The following IL17RA variants were observed in gnomAD, a reference collection of about 807,000 sequenced individuals.
The protein encoded by IL17RA is interleukin-17 receptor A.
IL17RA carries 34 observed loss-of-function variants against 50.4 expected under a neutral mutation model. The observed-to-expected ratio is 0.67, with a 90% CI of 0.51 to 0.90. IL17RA has a LOEUF of 0.90. IL17RA is among the 40% of genes least tolerant of loss of function. IL17RA has a pLI of 0.00. For synonymous variants in IL17RA, 585 were observed against 510.4 expected, an observed-to-expected ratio of 1.15 and a Z score of -1.97; for missense variants, 1,276 against 1,169.8, an observed-to-expected ratio of 1.09 and a Z score of -1.32.
chr22:17,104,658 C>G, intron 8 of IL17RA, 68 bp from the exon 9 acceptor site: 12 of 1,407,222 alleles, frequency 8.5e-6, no homozygotes, highest in Non-Finnish European at 1.2e-5. Flanking sequence ...CTCACATTGC[C>G]GCTGCTGGCT....
chr22:17,108,920 C>T lies in IL17RA; in HGVS notation c.1701C>T (p.Leu567=), dbSNP rs1601350118. Residue 567 remains leucine (L), a synonymous_variant, in exon 13 of 13, where the codon CTC becomes CTT. Transcript: ENST00000319363. ...NYLRSPGGRQ[L]RAALDRFRDW... is the part of the protein sequence containing the mutation. The stretch of plus-strand genomic sequence containing the variant: ...TGCGGAGCCCGGGCGGCAGGCAGCT[C>T]CGCGCCGCCCTGGACAGGTTCCGGG... 1 of 1,611,478 alleles carries T rather than the reference C, an allele frequency of 6.2e-7. No homozygotes were observed.
chr22:17,094,673 C>CTATATATATATATATG (rs1568917416), intron 1 of IL17RA, among the ~76,000 whole-genome samples: 910 of 47,782 alleles, frequency 0.019, 71 homozygotes, highest in Non-Finnish European at 0.028. Flanking sequence ...CTCTCTCTCT[C>CTATATATATATATATG]TCTCTCTCTC....
Position 17,102,062 on chromosome 22 carries a change from G to T in IL17RA, c.598+19G>T. On this transcript the variant is annotated intron_variant, in intron 6 of 12. Transcript: ENST00000319363. ...AGCTCAGGTAACAGCTGGCCCGGGA[G>T]AGCTTTATTTGGATGCATACACATG... is the stretch of plus-strand genomic sequence containing the variant. The T allele has an allele frequency of 6.2e-7, 1 of 1,614,194 alleles. No homozygotes were observed.
intron 1 of IL17RA, among the ~76,000 whole-genome samples, chr22:17,092,923 A>G (rs560615850): frequency 1.3e-5 from 2 of 152,094 alleles, no homozygotes; most frequent in South Asian, 4.1e-4. Context: ...TATTTAGTAG[A>G]ACTTCTATTG....
intron 1 of IL17RA, among the ~76,000 whole-genome samples, chr22:17,090,022 A>G (rs2061342522): frequency 6.6e-6 from 1 of 151,394 alleles, no homozygotes; most frequent in African/African-American, 2.4e-5. Context: ...ATGTAATTCT[A>G]TAAATTTTTT....
intron 4 of IL17RA, among the ~76,000 whole-genome samples, chr22:17,099,286 C>G (rs373755646): frequency 2.0e-5 from 3 of 152,076 alleles, no homozygotes; most frequent in African/African-American, 7.2e-5. Context: ...AAGAAAAAAC[C>G]GCCCAGACCA....
rs1298032987 is a variant in IL17RA at position 17,112,586 on chromosome 22, T to C, written c.*2766T>C. The C allele has an allele frequency of 6.6e-6, 1 of 152,054 alleles. No individual in the cohort carries two copies. The highest frequency in any genetic ancestry group is 1.5e-5 in the Non-Finnish European group (1 of 68,000). 9.4% of individuals were successfully genotyped at this position (152,054 alleles called of 1,614,324 possible). ...ATGTCATTCCCTGTTTCTCCTCACA[T>C]TCCCTCCCCATTTCCTGGGCCCAGT... On this transcript the variant is annotated 3_prime_UTR_variant, in exon 13 of 13. Transcript: ENST00000319363.
At position 17,110,011 on chromosome 22, in the gene IL17RA, C is replaced by G. The variant is rs886057206; in HGVS notation, c.*191C>G. 1.6e-6 allele frequency: 1 copy of G among 638,916 alleles called. No homozygotes were observed. The highest frequency in any genetic ancestry group is 2.7e-6 in the Non-Finnish European group (1 of 372,938). The allele number at this position is 638,916 out of a possible 1,614,324, so 39.6% of individuals were successfully genotyped here. Reference sequence around the variant, plus strand: ...CTTTGTGCAGCGGTCTGGTTATCGTCTATCCCCAGGGGAATCCACACAGCC... The same window carrying G: ...CTTTGTGCAGCGGTCTGGTTATCGTGTATCCCCAGGGGAATCCACACAGCC... On this transcript the variant is annotated 3_prime_UTR_variant, in exon 13 of 13. Coordinates refer to ENST00000319363, the MANE Select transcript of IL17RA (RefSeq NM_014339.7).
At position 17,107,751 on chromosome 22, in the gene IL17RA, A is replaced by G. The variant is rs2123810038; in HGVS notation, c.1070A>G (p.Asp357Gly). 5 of 1,613,872 alleles carry G rather than the reference A, an allele frequency of 3.1e-6. No homozygotes were observed. The highest frequency in any genetic ancestry group is 4.2e-6 in the Non-Finnish European group (5 of 1,179,704). The change falls in exon 12 of 13, where the codon GAT (aspartate) becomes GGT (glycine). Residue 357 changes from aspartate to glycine, a missense_variant. By Grantham distance (94) the Asp-to-Gly change is moderately conservative. Transcript: ENST00000319363. Reference protein sequence around the residue: ...LAGPGSEKYSDDTKYTDGLPA... With the variant: ...LAGPGSEKYSGDTKYTDGLPA... ...GGGCCTGGAAGTGAAAAATACAGTGATGACACCAAATACACCGGTCAGTAT... is the reference window on the plus strand; with the variant it reads ...GGGCCTGGAAGTGAAAAATACAGTGGTGACACCAAATACACCGGTCAGTAT...
chr22:17,104,471 CTG>C (rs2061405623), intron 8 of IL17RA, among the ~76,000 whole-genome samples: 1 of 152,054 alleles, frequency 6.6e-6, no homozygotes, highest in African/African-American at 2.4e-5. Context: ...CTTGTCCTCT[CTG>C]TGGCACCAAG....
Position 17,113,865 on chromosome 22 carries a change from G to A in IL17RA, c.*4045G>A, listed in dbSNP as rs11703539. The A allele has an allele frequency of 0.12, 17,823 of 152,282 alleles. 1,166 individuals carry two copies. Among genetic ancestry groups the A allele is most frequent in the African/African-American group, 0.17 (7,012 of 41,532 alleles). The allele number at this position is 152,282 out of a possible 1,614,324, so 9.4% of individuals were successfully genotyped here. ...CATCTGTAAAGTGGGTGGGGCAGGA[G>A]TTCCCACCTCATGGGGTCCTGGCAA... On this transcript the variant is annotated 3_prime_UTR_variant, in exon 13 of 13. Transcript: ENST00000319363.
rs780225029 is a variant in IL17RA at position 17,109,453 on chromosome 22, G to C, written c.2234G>C (p.Arg745Thr). Reference protein sequence around the residue: ...ASPDLLPEDVREHLEGLMLSL... With the variant: ...ASPDLLPEDVTEHLEGLMLSL... ...CCTGACCTCCTTCCAGAGGACGTGA[G>C]GGAGCACCTCGAAGGCTTGATGCTC... The change falls in exon 13 of 13, where the codon AGG becomes ACG. Residue 745 changes from arginine to threonine, a missense_variant. Transcript: ENST00000319363. The C allele has an allele frequency of 9.3e-6, 15 of 1,613,174 alleles. No individual in the cohort carries two copies.
chr22:17,105,111 T>G (rs1177973564), intron 9 of IL17RA, among the ~76,000 whole-genome samples: 1 of 152,214 alleles, frequency 6.6e-6, no homozygotes, highest in Non-Finnish European at 1.5e-5. Context: ...TTCTGTGCCA[T>G]GCACTGAGCG....
At chr22:17,098,927 G>A (rs1248892448) in intron 4 of IL17RA, 40 bp downstream of exon 4, 2 of 1,494,032 alleles carry the variant, frequency 1.3e-6, no homozygotes, top group Non-Finnish European at 1.9e-6. Flanking sequence ...TTCCACTGAT[G>A]ACACCAGTAC....
chr22:17,106,362 C>T (rs1056513786), intron 11 of IL17RA, among the ~76,000 whole-genome samples: 11 of 152,138 alleles, frequency 7.2e-5, no homozygotes, highest in African/African-American at 1.9e-4. Flanking sequence ...GAGAAGGCTC[C>T]GGCTGCCCTG....
rs1196585604 is a variant in IL17RA at position 17,109,158 on chromosome 22, G to A, written c.1939G>A (p.Val647Met). 1 of 1,533,088 alleles carries A rather than the reference G, an allele frequency of 6.5e-7. No individual in the cohort carries two copies. Among genetic ancestry groups the A allele is most frequent in the Non-Finnish European group, 8.7e-7 (1 of 1,146,154 alleles). 95.0% of individuals were successfully genotyped at this position (1,533,088 alleles called of 1,614,324 possible). The change falls in exon 13 of 13, where the codon GTG (valine) becomes ATG (methionine). Residue 647 changes from valine (V) to methionine (M), a missense_variant. Coordinates refer to ENST00000319363, the MANE Select transcript of IL17RA (RefSeq NM_014339.7). ...PLVGEEGGAA[V>M]AKLEPHLQPR... ...GGTCGGGGAGGAAGGAGGAGCAGCAGTGGCAAAGCTGGAACCTCACCTGCA... is the reference window on the plus strand; with the variant it reads ...GGTCGGGGAGGAAGGAGGAGCAGCAATGGCAAAGCTGGAACCTCACCTGCA...
chr22:17,085,253 T>C, intron 1 of IL17RA, 24 bp downstream of exon 1: 1 of 1,537,102 alleles, frequency 6.5e-7, no homozygotes, highest in Non-Finnish European at 8.7e-7. Flanking sequence ...TGGGGAGCGG[T>C]AGCCGCCAGG....
In IL17RA at chr22:17,100,410, C is replaced by A; in HGVS notation, c.479C>A (p.Thr160Asn). 1 of 1,614,080 alleles carries A rather than the reference C, an allele frequency of 6.2e-7. No homozygotes were observed. The highest frequency in any genetic ancestry group is 8.5e-7 in the Non-Finnish European group (1 of 1,179,960). ...VVDPDQEYEV[T>N]VHHLPKPIPD... ...GACCCTGACCAGGAATATGAGGTGA[C>A]CGTTCACCACCTGCCCAAGCCCATC... The change falls in exon 5 of 13, where the codon ACC becomes AAC. Residue 160 changes from threonine to asparagine, a missense_variant. Physicochemically the swap from Thr to Asn is moderately conservative, Grantham distance 65. Coordinates refer to ENST00000319363, the MANE Select transcript of IL17RA (RefSeq NM_014339.7).
At chr22:17,103,399 T>C in intron 7 of IL17RA, 95 bp from the exon 8 acceptor site, 1 of 981,290 alleles carries the variant, frequency 1.0e-6, no homozygotes, top group Admixed American at 1.9e-5. Context: ...AGGGGTGCTC[T>C]GGACAGCCTC....
Sources: allele counts gnomAD v4.1 joint callset (sites outside exome capture counted in the v4.1 genomes callset), GRCh38; gene constraint gnomAD v4.1.1; transcripts MANE v1.5; gene names NCBI Gene and HGNC (gene_info 2026-07-23, HGNC 2026-07-21).